Variants in HSPBP1 observed in about 807,000 individuals in gnomAD.
HSPBP1 encodes the protein hsp70-binding protein 1.
In HSPBP1, 31 loss-of-function variants were observed where a neutral mutation model predicts 41.7. That is an observed-to-expected ratio of 0.74 (90% confidence interval 0.56 to 1.00). HSPBP1 has a LOEUF of 1.00. HSPBP1 is among the 50% of genes least tolerant of loss of function. The probability of loss-of-function intolerance (pLI) is 0.00; values close to 1 mark genes in which losing one functional copy is unlikely to be tolerated. For synonymous variants in HSPBP1, 199 were observed against 214.4 expected, an observed-to-expected ratio of 0.93 and a Z score of 0.63; for missense variants, 439 against 487.9, an observed-to-expected ratio of 0.90 and a Z score of 0.94.
At chr19:55,274,345 G>GGCCCCCCCCCCCCCCCCCCCCCCC in intron 4 of HSPBP1, 53 bp downstream of exon 4, 1 of 552,676 alleles carries the variant, frequency 1.8e-6, no homozygotes, top group Non-Finnish European at 3.1e-6. Flanking sequence ...GGCCCACCCG[G>GGCCCCCCCCCCCCCCCCCCCCCCC]CACCCCCCCC....
chr19:55,276,484 T>G (rs892838654), intron 3 of HSPBP1, among the ~76,000 whole-genome samples: 1 of 152,168 alleles, frequency 6.6e-6, no homozygotes, highest in Non-Finnish European at 1.5e-5. Context: ...TTTATATTTA[T>G]ATACACAGAG....
intron 2 of HSPBP1, among the ~76,000 whole-genome samples, chr19:55,278,934 A>C (rs1384291953): frequency 1.3e-5 from 2 of 151,472 alleles, no homozygotes; most frequent in Non-Finnish European, 2.9e-5. Flanking sequence ...AAAAAAAAAA[A>C]AAAAAAACAG....
At chr19:55,267,056 T>C (rs2087806682) in intron 4 of HSPBP1, among the ~76,000 whole-genome samples, 1 of 152,282 alleles carries the variant, frequency 6.6e-6, no homozygotes, top group African/African-American at 2.4e-5. Flanking sequence ...TTTTCATGGC[T>C]GAATAACATT....
rs367886889 is a variant in HSPBP1 at position 55,276,973 on chromosome 19, T to C, written c.415+669A>G. 3.3e-5 allele frequency among the ~76,000 whole-genome samples: 5 copies of C among 152,226 alleles called. No individual in the cohort carries two copies. The South Asian group carries it at 1.0e-3, about 32-fold the overall frequency. ...AGGACCTGCCCAAACCAGACTGCCA[T>C]GTAGCAGCACAGCCTGAACTATGAA... On this transcript the variant is annotated intron_variant, in intron 3 of 7. Coordinates refer to ENST00000433386, the MANE Select transcript of HSPBP1 (RefSeq NM_012267.5).
At chr19:55,264,158 G>A (rs531726449) in intron 7 of HSPBP1, among the ~76,000 whole-genome samples, 60 of 152,076 alleles carry the variant, frequency 3.9e-4, no homozygotes, top group African/African-American at 1.4e-3. Context: ...TAGTAGAGAT[G>A]GGGTTTTACC....
intron 7 of HSPBP1, among the ~76,000 whole-genome samples, chr19:55,264,054 G>A (rs929188222): frequency 1.1e-4 from 16 of 145,536 alleles, no homozygotes; most frequent in Non-Finnish European, 2.1e-4. Context: ...TGCAACCTCC[G>A]CCTCCCCGGT....
rs918485096 is a variant in HSPBP1, at chr19:55,268,370, C to G, written c.641-2084G>C. ...ATTTGAACCCGGGAGGTGGAGGTTG[C>G]AGTGAGCCGAGATTGCGCCATTACA... On this transcript the variant is annotated intron_variant, in intron 4 of 7. Transcript: ENST00000433386. The surrounding 1 kb of genome is among the most constrained non-coding windows in gnomAD (Gnocchi z 4.5). Among the ~76,000 whole-genome samples the G allele has an allele frequency of 6.6e-6, 1 of 152,120 alleles. No homozygotes were observed. Among genetic ancestry groups the G allele is most frequent in the African/African-American group, 2.4e-5 (1 of 41,436 alleles).
At chr19:55,267,400 C>T (rs10414721) in intron 4 of HSPBP1, among the ~76,000 whole-genome samples, 70,013 of 151,674 alleles carry the variant, frequency 0.46, 16,938 homozygotes, top group Middle Eastern at 0.58. Flanking sequence ...ATCCACCTGC[C>T]TGGGCCTCCC....
In HSPBP1 at chr19:55,277,330, G is replaced by A. The variant is rs369276782; in HGVS notation, c.415+312C>T. ...CCTCACTTCAGGTCTCTGATCAAACGTCACCCCGGGGAGGCCTTCTCTGCC... is the reference window on the plus strand; with the variant it reads ...CCTCACTTCAGGTCTCTGATCAAACATCACCCCGGGGAGGCCTTCTCTGCC... On this transcript the variant is annotated intron_variant, in intron 3 of 7. Coordinates refer to ENST00000433386, the MANE Select transcript of HSPBP1 (RefSeq NM_012267.5). Among the ~76,000 whole-genome samples, 8 of 152,228 alleles carry A rather than the reference G, an allele frequency of 5.3e-5. No individual in the cohort carries two copies. The South Asian group carries it at 1.2e-3, about 24-fold the overall frequency.
rs1289508387 is a variant in HSPBP1, at chr19:55,277,822, T to C, written c.235A>G (p.Met79Val). 2 of 1,584,684 alleles carry C rather than the reference T, an allele frequency of 1.3e-6. No individual in the cohort carries two copies. Among genetic ancestry groups the C allele is most frequent in the Non-Finnish European group, 1.7e-6 (2 of 1,163,662 alleles). The change falls in exon 3 of 8, where the codon ATG becomes GTG. Residue 79 changes from methionine to valine, a missense_variant. Coordinates refer to ENST00000433386, the MANE Select transcript of HSPBP1 (RefSeq NM_012267.5). Reference sequence around the variant, plus strand: ...CGCTGGCCTCGGAAGGCAGCCGACATGGCCTCCTGCAGCCACTGACGCCTC... The same window carrying C: ...CGCTGGCCTCGGAAGGCAGCCGACACGGCCTCCTGCAGCCACTGACGCCTC... ...EERRQWLQEAMSAAFRGQREE... is the reference protein window; with the variant it reads ...EERRQWLQEAVSAAFRGQREE...
rs374807828 is a variant in HSPBP1 at position 55,274,458 on chromosome 19, G to A, written c.580C>T (p.Arg194Trp). ...TCGCAGGCGTCGCGGTCCAGCAGCC[G>A]CAGCAGCTTACGCAGGGCACCCAGG... ...LGLGALRKLLRLLDRDACDTV... is the reference protein window; with the variant it reads ...LGLGALRKLLWLLDRDACDTV... Residue 194 changes from arginine (R) to tryptophan (W), a missense_variant, in exon 4 of 8, where the codon CGG becomes TGG. By Grantham distance (101) the Arg-to-Trp change is moderately radical. Coordinates refer to ENST00000433386, the MANE Select transcript of HSPBP1 (RefSeq NM_012267.5). The A allele has an allele frequency of 4.6e-5, 72 of 1,575,674 alleles. No homozygotes were observed. Among genetic ancestry groups the A allele is most frequent in the Admixed American group, 4.1e-4 (23 of 56,710 alleles).
chr19:55,277,966 G>T (rs2122886361), intron 2 of HSPBP1, 120 bp from the exon 3 acceptor site: 1 of 872,270 alleles, frequency 1.1e-6, no homozygotes, highest in Non-Finnish European at 1.7e-6. Flanking sequence ...ACAAATATCG[G>T]CTGGGAGCTG....
At chr19:55,266,318 G>C in intron 4 of HSPBP1, 32 bp from the exon 5 acceptor site, 1 of 1,535,654 alleles carries the variant, frequency 6.5e-7, no homozygotes, top group African/African-American at 1.4e-5. Context: ...TGAGCTTGCA[G>C]TCACCACCAC....
Position 55,279,486 on chromosome 19 carries a change from G to T in HSPBP1, c.123C>A (p.Pro41=), listed in dbSNP as rs747015557. The part of the protein sequence containing the change: ...SSAGGSGNSR[P]PRNLQGLLQM... The stretch of plus-strand genomic sequence containing the variant: ...GCAGCAAGCCTTGGAGGTTGCGTGG[G>T]GGCCGGGAATTGCCCGAGCCCCCAG... Residue 41 remains proline, a synonymous_variant, in exon 2 of 8, where the codon CCC becomes CCA. Transcript: ENST00000433386. 1 of 1,606,220 alleles carries T rather than the reference G, an allele frequency of 6.2e-7. No individual in the cohort carries two copies. Among genetic ancestry groups the T allele is most frequent in the African/African-American group, 1.4e-5 (1 of 73,950 alleles).
intron 4 of HSPBP1, among the ~76,000 whole-genome samples, chr19:55,273,667 A>G (rs1425990916): frequency 6.6e-6 from 1 of 152,196 alleles, no homozygotes; most frequent in Non-Finnish European, 1.5e-5. Context: ...AGTCCTGGCC[A>G]GCTCTGCCCT....
At chr19:55,279,892 T>C (rs1001554938) in intron 1 of HSPBP1, 143 bp downstream of exon 1, 5 of 572,176 alleles carry the variant, frequency 8.7e-6, no homozygotes, top group Non-Finnish European at 1.5e-5. Flanking sequence ...CAACCCCCCT[T>C]CCCCATCTCC....
intron 4 of HSPBP1, among the ~76,000 whole-genome samples, chr19:55,273,215 C>T (rs1229051572): frequency 6.6e-6 from 1 of 152,136 alleles, no homozygotes; most frequent in Admixed American, 6.6e-5. Flanking sequence ...GTCTCAAACT[C>T]CTGGGCTCGA....
At chr19:55,279,319 C>A in intron 2 of HSPBP1, 80 bp downstream of exon 2, 8 of 1,269,624 alleles carry the variant, frequency 6.3e-6, no homozygotes, top group Non-Finnish European at 8.9e-6. Context: ...CTTCTTGTGG[C>A]TCCCCAAGTC....
In HSPBP1 at chr19:55,280,071, C is replaced by A. The variant is rs374097087; in HGVS notation, c.-131G>T. 25 of 240,678 alleles carry A rather than the reference C, an allele frequency of 1.0e-4. No homozygotes were observed. In the East Asian group the frequency reaches 2.2e-3, roughly 22 times the overall value. The allele number at this position is 240,678 out of a possible 1,614,324, so 14.9% of individuals were successfully genotyped here. A position where few individuals can be genotyped will look rare whatever the true frequency, so the allele number is the denominator to read the frequency against. On this transcript the variant is annotated 5_prime_UTR_variant, in exon 1 of 8. Transcript: ENST00000433386. The stretch of plus-strand genomic sequence containing the variant: ...CTCAAGCCGCCGCTGCTCCTACAGA[C>A]AAAGTCGTCCGCACCTGACTCTGCT...
Sources: gnomAD v4.1 joint callset for allele counts (sites outside exome capture counted in the v4.1 genomes callset) on GRCh38, gnomAD v4.1.1 for gene constraint, Gnocchi (gnomAD v3.1) non-coding constraint, MANE v1.5 for transcripts, NCBI Gene and HGNC (gene_info 2026-07-23, HGNC 2026-07-21) for gene names.